The following TRAK1 variants were observed in gnomAD, a reference collection of about 807,000 sequenced individuals.
TRAK1 encodes trafficking kinesin protein 1.
In TRAK1, 33 loss-of-function variants were observed where a neutral mutation model predicts 92.1. That is an observed-to-expected ratio of 0.36 (90% CI 0.27 to 0.48). The LOEUF is 0.48. Ranked by LOEUF, TRAK1 falls within the 20% of genes least tolerant of loss-of-function variation. TRAK1 has a pLI of 0.99. For missense variants in TRAK1, 1,123 were observed against 1,257.9 expected (o/e 0.89, Z 1.62); for synonymous variants, 521 against 517.3 (o/e 1.01, Z -0.10).
intron 1 of TRAK1, among the ~76,000 whole-genome samples, chr3:42,067,503 T>G (rs539549062): frequency 2.6e-5 from 4 of 152,198 alleles, no homozygotes; most frequent in Non-Finnish European, 4.4e-5. Flanking sequence ...TCAGTGCACA[T>G]TGAGAAGCTA....
chr3:42,107,761 G>T (rs1228986243), intron 1 of TRAK1, among the ~76,000 whole-genome samples: 2 of 151,988 alleles, frequency 1.3e-5, no homozygotes, highest in Non-Finnish European at 2.9e-5. Context: ...GTATCAGTAA[G>T]GATTAAGTTT....
At position 42,183,974 on chromosome 3, in the gene TRAK1, C is replaced by T. The variant is rs375730415; in HGVS notation, c.364-711C>T. ...TGCCTAATTGATGCCATCAGCTCAG[C>T]TAACAGAAAATTCTGTGCCCTTAAG... On this transcript the variant is annotated intron_variant, in intron 3 of 15. Transcript: ENST00000327628. Among the ~76,000 whole-genome samples the T allele has an allele frequency of 1.0e-3, 157 of 152,296 alleles. 1 individual carries two copies. Among genetic ancestry groups the T allele is most frequent in the African/African-American group, 3.8e-3 (156 of 41,544 alleles).
chr3:42,124,501 G>T (rs569976371), intron 1 of TRAK1, among the ~76,000 whole-genome samples: 18 of 152,308 alleles, frequency 1.2e-4, no homozygotes, highest in African/African-American at 4.1e-4. Flanking sequence ...TTGCCATGTT[G>T]TCATGTTTGC....
rs1395365604 is a variant in TRAK1, at chr3:42,191,586, C to A, written c.719C>A (p.Thr240Asn). 2 of 1,602,824 alleles carry A rather than the reference C, an allele frequency of 1.2e-6. No homozygotes were observed. Among genetic ancestry groups the A allele is most frequent in the South Asian group, 2.3e-5 (2 of 88,266 alleles). Reference protein sequence around the residue: ...EASQLKTETITYEEKEQQLVN... With the variant: ...EASQLKTETINYEEKEQQLVN... ...AGCCAGCTGAAGACAGAGACCATCA[C>A]CTATGAGGAGAAGGAGCAGCAGCTG... Residue 240 changes from threonine to asparagine, a missense_variant, in exon 7 of 16, where the codon ACC becomes AAC. Coordinates refer to ENST00000327628, the MANE Select transcript of TRAK1 (RefSeq NM_001042646.3).
intron 1 of TRAK1, among the ~76,000 whole-genome samples, chr3:42,114,270 C>T (rs902519762): frequency 6.6e-6 from 1 of 152,152 alleles, no homozygotes; most frequent in African/African-American, 2.4e-5. Context: ...ACTAAGAACA[C>T]GGGTGTATAA....
In TRAK1 at chr3:42,202,469, G is replaced by A. The variant is rs370176823; in HGVS notation, c.1461G>A (p.Pro487=). 5 of 1,486,230 alleles carry A rather than the reference G, an allele frequency of 3.4e-6. No homozygotes were observed. Among genetic ancestry groups the A allele is most frequent in the East Asian group, 2.3e-5 (1 of 42,904 alleles). The allele number at this position is 1,486,230 out of a possible 1,614,324, so 92.1% of individuals were successfully genotyped here. ...NDERSKKPGT[P]GTPGSHDLET... ...AGCGGAGTAAGAAGCCGGGGACGCC[G>A]GGCACCCCAGGCTCCCACGACCTGG... Residue 487 remains proline, a synonymous_variant, in exon 13 of 16, where the codon CCG becomes CCA. Transcript: ENST00000327628. The surrounding 1 kb of genome is among the most constrained non-coding windows in gnomAD (Gnocchi z 6.1).
At chr3:42,075,819 GC>G (rs1159160052) in intron 1 of TRAK1, among the ~76,000 whole-genome samples, 1 of 151,930 alleles carries the variant, frequency 6.6e-6, no homozygotes, top group Non-Finnish European at 1.5e-5. Flanking sequence ...CATGGCCTTT[GC>G]CCATTTTTAA....
intron 1 of TRAK1, among the ~76,000 whole-genome samples, chr3:42,051,904 A>AT (rs1308458933): frequency 6.6e-6 from 1 of 151,970 alleles, no homozygotes; most frequent in Non-Finnish European, 1.5e-5. Flanking sequence ...TGTGGCTGAG[A>AT]TTTTTTTCCT....
At chr3:42,062,887 T>C (rs1442877252) in intron 1 of TRAK1, among the ~76,000 whole-genome samples, 1 of 152,216 alleles carries the variant, frequency 6.6e-6, no homozygotes, top group Admixed American at 6.5e-5. Context: ...GTTTGTCTTA[T>C]GAGGGGATGT....
rs1701847183 is a variant in TRAK1 at position 42,024,550 on chromosome 3, A to G, written c.-519+10433A>G. On this transcript the variant is annotated intron_variant, in intron 1 of 16. Transcript: ENST00000487159. ...TTTAAATCAAAACAGAACACTGTCA[A>G]GGGTTACATAACTTATTCATGATAT... 2.6e-5 allele frequency among the ~76,000 whole-genome samples: 4 copies of G among 152,342 alleles called. No individual in the cohort carries two copies. In the South Asian group the frequency reaches 6.2e-4, roughly 24 times the overall value.
At chr3:42,197,002 T>TCACACA (rs773977076) in intron 10 of TRAK1, among the ~76,000 whole-genome samples, 80 of 103,578 alleles carry the variant, frequency 7.7e-4, no homozygotes, top group East Asian at 3.4e-3. Context: ...TCTCTCTCTC[T>TCACACA]CACACACACA....
intron 1 of TRAK1, among the ~76,000 whole-genome samples, chr3:42,124,743 T>C (rs944562405): frequency 6.6e-6 from 1 of 152,142 alleles, no homozygotes; most frequent in Admixed American, 6.5e-5. Context: ...GGCATGTCAG[T>C]ATAGAAAGGG....
intron 1 of TRAK1, among the ~76,000 whole-genome samples, chr3:42,121,878 C>T (rs956220940): frequency 2.6e-5 from 4 of 151,830 alleles, no homozygotes; most frequent in East Asian, 1.9e-4. Context: ...AGTGCAGTGG[C>T]GTGATCTTGG....
intron 2 of TRAK1, 76 bp from the exon 3 acceptor site, chr3:42,176,738 G>T: frequency 2.2e-6 from 3 of 1,369,104 alleles, no homozygotes; most frequent in Non-Finnish European, 3.1e-6. Context: ...AACATTAGGG[G>T]CACTTTTTTA....
intron 2 of TRAK1, among the ~76,000 whole-genome samples, chr3:42,158,969 AT>A (rs1700903189): frequency 7.8e-6 from 1 of 128,536 alleles, no homozygotes; most frequent in Non-Finnish European, 1.5e-5. Flanking sequence ...AAAAATAATA[AT>A]AATAATAATA....
chr3:42,118,772 G>T (rs912517441), intron 1 of TRAK1, among the ~76,000 whole-genome samples: 1 of 152,236 alleles, frequency 6.6e-6, no homozygotes, highest in Non-Finnish European at 1.5e-5. Flanking sequence ...TACCTCTGAA[G>T]AGGTAAAGAG....
intron 1 of TRAK1, among the ~76,000 whole-genome samples, chr3:42,100,743 T>C (rs1706631794): frequency 6.6e-6 from 1 of 152,260 alleles, no homozygotes; most frequent in African/African-American, 2.4e-5. Context: ...CTCGGTTCAC[T>C]GCAACCTCTG....
intron 2 of TRAK1, among the ~76,000 whole-genome samples, chr3:42,159,557 AC>A (rs1701006670): frequency 6.6e-6 from 1 of 152,104 alleles, no homozygotes; most frequent in Non-Finnish European, 1.5e-5. Context: ...TTTTTTTCTT[AC>A]CTTGTTCTAG....
chr3:42,169,381 A>C (rs1263574022), intron 2 of TRAK1, among the ~76,000 whole-genome samples: 1 of 152,150 alleles, frequency 6.6e-6, no homozygotes, highest in Non-Finnish European at 1.5e-5. Flanking sequence ...TTTGGCTATA[A>C]TGAATGATGC....
Sources: gnomAD v4.1 joint callset for allele counts (sites outside exome capture counted in the v4.1 genomes callset) on GRCh38, gnomAD v4.1.1 for gene constraint, Gnocchi (gnomAD v3.1) non-coding constraint, MANE v1.5 for transcripts, NCBI Gene and HGNC (gene_info 2026-07-23, HGNC 2026-07-21) for gene names.